SLC15A1: variants seen among roughly 807,000 people sequenced by gnomAD.
SLC15A1 encodes the protein solute carrier family 15 member 1.
In SLC15A1, 83 loss-of-function variants were observed where a neutral mutation model predicts 92.9. The ratio of observed to expected loss-of-function variants is 0.89; its 90% CI spans 0.75 to 1.07. The LOEUF (loss-of-function observed/expected upper bound fraction) is 1.07. SLC15A1 is among the 50% of genes least tolerant of loss of function. The pLI, the probability that SLC15A1 is intolerant of heterozygous loss-of-function variation, is 0.00. For synonymous variants in SLC15A1, 322 were observed against 318.2 expected (o/e 1.01, Z -0.13); for missense variants, 857 against 880.1 (o/e 0.97, Z 0.33).
At chr13:98,737,474 C>T (rs2088404124) in intron 1 of SLC15A1, among the ~76,000 whole-genome samples, 1 of 152,130 alleles carries the variant, frequency 6.6e-6, no homozygotes, top group Non-Finnish European at 1.5e-5. Context: ...AATATGTGAA[C>T]ACTAGAACTT....
Position 98,710,660 on chromosome 13 carries a change from T to C in SLC15A1, c.901-749A>G, listed in dbSNP as rs192873792. Among the ~76,000 whole-genome samples the C allele has an allele frequency of 1.3e-3, 197 of 151,814 alleles. 1 individual carries two copies. Among genetic ancestry groups the C allele is most frequent in the Middle Eastern group, 3.4e-3 (1 of 294 alleles). On this transcript the variant is annotated intron_variant, in intron 11 of 22. Coordinates refer to ENST00000376503, the MANE Select transcript of SLC15A1 (RefSeq NM_005073.4). ...GCAGAACCCCGTCTCTACTAAAAAT[T>C]AGCCAGATGTGGTGGCAGGTGCCTG...
intron 9 of SLC15A1, 21 bp from the exon 10 acceptor site, chr13:98,712,605 C>T (rs377725178): frequency 1.5e-5 from 24 of 1,577,344 alleles, no homozygotes; most frequent in African/African-American, 8.1e-5. Flanking sequence ...GAAGAAAAAT[C>T]GAATTTCAAA....
Position 98,726,200 on chromosome 13 carries a change from G to C in SLC15A1, c.168C>G (p.Tyr56Ter), listed in dbSNP as rs2088297929. Residue 56 changes from tyrosine (Y) to a stop codon, truncating the protein, a stop_gained, in exon 4 of 23, where the codon TAC (tyrosine) becomes TAG (stop). Coordinates refer to ENST00000376503, the MANE Select transcript of SLC15A1 (RefSeq NM_005073.4). LOFTEE classifies it high-confidence loss of function. The stretch of plus-strand genomic sequence containing the variant: ...GGTAGCACAGAGCCACAAACGTATG[G>C]TAGATGGCGGTGGACAGGTTATCAT... ...SWDDNLSTAI[Y>*]HTFVALCYLT... is the part of the protein sequence containing the mutation. The C allele has an allele frequency of 6.2e-7, 1 of 1,614,012 alleles. No homozygotes were observed. Among genetic ancestry groups the C allele is most frequent in the Admixed American group, 1.7e-5 (1 of 59,982 alleles).
intron 18 of SLC15A1, among the ~76,000 whole-genome samples, chr13:98,689,284 G>A (rs1189443856): frequency 7.9e-5 from 12 of 152,092 alleles, no homozygotes; most frequent in Non-Finnish European, 1.8e-4. Flanking sequence ...ACCAGATGCT[G>A]CCCAGTTCCT....
intron 21 of SLC15A1, among the ~76,000 whole-genome samples, chr13:98,686,948 T>TC (rs1354034466): frequency 1.7e-5 from 2 of 118,998 alleles, no homozygotes; most frequent in Non-Finnish European, 3.4e-5. Context: ...TTCTTTTTCT[T>TC]CTTTTTTTTT....
intron 22 of SLC15A1, among the ~76,000 whole-genome samples, chr13:98,685,226 G>C (rs2087920701): frequency 6.6e-6 from 1 of 152,178 alleles, no homozygotes; most frequent in Non-Finnish European, 1.5e-5. Context: ...GACCTGGAAG[G>C]ATGGGGACCA....
chr13:98,733,517 G>A (rs1467981900), intron 1 of SLC15A1, among the ~76,000 whole-genome samples: 1 of 152,190 alleles, frequency 6.6e-6, no homozygotes, highest in Non-Finnish European at 1.5e-5. Context: ...CTCTGAAAAT[G>A]GTTTCCTAAG....
intron 22 of SLC15A1, 108 bp downstream of exon 22, chr13:98,686,082 A>G: frequency 2.6e-6 from 2 of 783,998 alleles, no homozygotes; most frequent in Non-Finnish European, 4.4e-6. Context: ...TAATCCAGCT[A>G]TTAGCCTAGA....
chr13:98,726,515 C>A (rs1387652847), intron 2 of SLC15A1, 66 bp from the exon 3 acceptor site: 3 of 1,446,634 alleles, frequency 2.1e-6, no homozygotes, highest in Admixed American at 3.5e-5. Flanking sequence ...CACAAAGGAG[C>A]ACCAGTGGCA....
rs754128060 is a variant in SLC15A1 at position 98,715,834 on chromosome 13, G to A, written c.723+44C>T. ...TAATTTAAAGAAAGTAGAAGGTTCT[G>A]AGGTGGTTAAATAGCCTTGAGAAAG... On this transcript the variant is annotated intron_variant, in intron 9 of 22. Coordinates refer to ENST00000376503, the MANE Select transcript of SLC15A1 (RefSeq NM_005073.4). 5 of 1,473,286 alleles carry A rather than the reference G, an allele frequency of 3.4e-6. No individual in the cohort carries two copies. In the African/African-American group the frequency reaches 5.5e-5, roughly 16 times the overall value. 91.3% of individuals were successfully genotyped at this position (1,473,286 alleles called of 1,614,324 possible). A position where few individuals can be genotyped will look rare whatever the true frequency, so the allele number is the denominator to read the frequency against.
In SLC15A1 at chr13:98,698,460, A is replaced by G. The variant is rs2088040902; in HGVS notation, c.1466+4020T>C. On this transcript the variant is annotated intron_variant, in intron 18 of 22. Transcript: ENST00000376503. ...TTTGTTTTGTTTTGCTTTTTTGGAGACAGGGTCTCACTCTGTTGTCCAGGC... is the reference window on the plus strand; with the variant it reads ...TTTGTTTTGTTTTGCTTTTTTGGAGGCAGGGTCTCACTCTGTTGTCCAGGC... Among the ~76,000 whole-genome samples, 3 of 152,144 alleles carry G rather than the reference A, an allele frequency of 2.0e-5. No individual in the cohort carries two copies. The South Asian group carries it at 6.2e-4, about 32-fold the overall frequency.
intron 15 of SLC15A1, among the ~76,000 whole-genome samples, chr13:98,706,926 ATCC>A (rs1385395543): frequency 1.3e-5 from 2 of 151,304 alleles, no homozygotes. Flanking sequence ...CTAAACAAAT[ATCC>A]TTCTTGTCAT....
chr13:98,752,542 C>T, intron 1 of SLC15A1, 53 bp downstream of exon 1: 3 of 1,271,990 alleles, frequency 2.4e-6, no homozygotes, highest in East Asian at 3.2e-5. Flanking sequence ...CGGCCCCCGC[C>T]CCGCGTAGCT....
chr13:98,750,918 G>A (rs1307817426), intron 1 of SLC15A1, among the ~76,000 whole-genome samples: 1 of 151,946 alleles, frequency 6.6e-6, no homozygotes, highest in African/African-American at 2.4e-5. Flanking sequence ...TGCCCAGCTA[G>A]TTTTTATATA....
Position 98,687,738 on chromosome 13 carries a change from G to T in SLC15A1, c.1684-14C>A. The T allele has an allele frequency of 6.2e-7, 1 of 1,608,154 alleles. No individual in the cohort carries two copies. Among genetic ancestry groups the T allele is most frequent in the Non-Finnish European group, 8.5e-7 (1 of 1,177,970 alleles). ...GCAGCTGTCATTCTGCAGCAGTAAG[G>T]CAAAAGCAGAAGAAGTTGAGATAGC... On this transcript the variant is annotated splice_polypyrimidine_tract_variant and intron_variant, in intron 20 of 22. Coordinates refer to ENST00000376503, the MANE Select transcript of SLC15A1 (RefSeq NM_005073.4).
chr13:98,749,611 A>T, intron 1 of SLC15A1, among the ~76,000 whole-genome samples: 1 of 152,086 alleles, frequency 6.6e-6, no homozygotes, highest in East Asian at 1.9e-4. Context: ...CCCAGCATAT[A>T]AGAAGTTTTC....
chr13:98,685,997 A>G (rs77833052), intron 22 of SLC15A1, among the ~76,000 whole-genome samples, 193 bp downstream of exon 22: 142 of 149,862 alleles, frequency 9.5e-4, no homozygotes, highest in African/African-American at 1.8e-3. Flanking sequence ...AAAAAAAAAA[A>G]AAGAAGAAGA....
rs1364994574 is a variant in SLC15A1 at position 98,687,713 on chromosome 13, G to A, written c.1695C>T (p.Cys565=). The A allele has an allele frequency of 2.5e-6, 4 of 1,613,370 alleles. No homozygotes were observed. In the Admixed American group the frequency reaches 5.0e-5, roughly 20 times the overall value. Residue 565 remains cysteine (C), a synonymous_variant, in exon 21 of 23, where the codon TGC becomes TGT. Coordinates refer to ENST00000376503, the MANE Select transcript of SLC15A1 (RefSeq NM_005073.4). ...TYIVQRKNDS[C]PEVKVFEDIS... is the part of the protein sequence containing the mutation. Reference sequence around the variant, plus strand: ...TATCTTCAAACACCTTCACTTCAGGGCAGCTGTCATTCTGCAGCAGTAAGG... The same window carrying A: ...TATCTTCAAACACCTTCACTTCAGGACAGCTGTCATTCTGCAGCAGTAAGG...
intron 18 of SLC15A1, among the ~76,000 whole-genome samples, chr13:98,699,758 A>ATAT (rs1279918198): frequency 6.6e-6 from 1 of 152,212 alleles, no homozygotes; most frequent in Non-Finnish European, 1.5e-5. Flanking sequence ...CAGGTGCCCC[A>ATAT]TATCCTCACC....
Sources: allele counts gnomAD v4.1 joint callset (sites outside exome capture counted in the v4.1 genomes callset), GRCh38; gene constraint gnomAD v4.1.1; transcripts MANE v1.5; gene names NCBI Gene and HGNC (gene_info 2026-07-23, HGNC 2026-07-21).